Variants in KIAA0319 observed in about 807,000 individuals in gnomAD.
KIAA0319 encodes dyslexia-associated protein KIAA0319.
A neutral mutation model predicts 108.4 loss-of-function variants in KIAA0319; 83 were observed. That is an observed-to-expected ratio of 0.77 (90% CI 0.64 to 0.92). KIAA0319 has a LOEUF of 0.92. KIAA0319 is among the 40% of genes least tolerant of loss of function. KIAA0319 has a pLI of 0.00. For missense variants in KIAA0319, 1,195 were observed against 1,322.4 expected (o/e 0.90, Z 1.49); for synonymous variants, 484 against 510.4 (o/e 0.95, Z 0.70).
chr6:24,558,386 T>C (rs1054438229), intron 17 of KIAA0319, among the ~76,000 whole-genome samples: 1 of 152,096 alleles, frequency 6.6e-6, no homozygotes, highest in African/African-American at 2.4e-5. Flanking sequence ...GATAGATAGA[T>C]AGATAGATAG....
chr6:24,553,444 CA>C (rs1263433962), intron 19 of KIAA0319, among the ~76,000 whole-genome samples: 1 of 151,340 alleles, frequency 6.6e-6, no homozygotes, highest in African/African-American at 2.4e-5. Context: ...CCTCAGAAAA[CA>C]GAATCTCCCT....
In KIAA0319 at chr6:24,576,490, T is replaced by G. The variant is rs145751673; in HGVS notation, c.1612A>C (p.Thr538Pro). The G allele has an allele frequency of 5.0e-6, 8 of 1,614,120 alleles. No homozygotes were observed. The highest frequency in any genetic ancestry group is 2.2e-5 in the East Asian group (1 of 44,884). Reference sequence around the variant, plus strand: ...ATGGAGTTTTGGGGCAAAGTTATGGTGTGATTTGGTCCTGCATTAGCAACT... The same window carrying G: ...ATGGAGTTTTGGGGCAAAGTTATGGGGTGATTTGGTCCTGCATTAGCAACT... Reference protein sequence around the residue: ...PPVANAGPNHTITLPQNSITL... With the variant: ...PPVANAGPNHPITLPQNSITL... The change falls in exon 10 of 21, where the codon ACC becomes CCC. Residue 538 changes from threonine (T) to proline (P), a missense_variant. Physicochemically the swap from Thr to Pro is conservative, Grantham distance 38. Coordinates refer to ENST00000378214, the MANE Select transcript of KIAA0319 (RefSeq NM_014809.4).
intron 1 of KIAA0319, among the ~76,000 whole-genome samples, chr6:24,631,250 C>T (rs946537691): frequency 1.3e-5 from 2 of 152,228 alleles, no homozygotes; most frequent in Admixed American, 6.5e-5. Context: ...CTGTCTTCGC[C>T]AAGGCAGCCT....
chr6:24,602,877 G>A (rs2127538078), intron 1 of KIAA0319, among the ~76,000 whole-genome samples: 1 of 152,296 alleles, frequency 6.6e-6, no homozygotes, highest in African/African-American at 2.4e-5. Context: ...GGTAATATGT[G>A]GAAAACCAAC....
At chr6:24,611,324 C>T (rs1240152329) in intron 1 of KIAA0319, among the ~76,000 whole-genome samples, 1 of 151,788 alleles carries the variant, frequency 6.6e-6, no homozygotes, top group Non-Finnish European at 1.5e-5. Flanking sequence ...CAGGCTGAAA[C>T]CCTGTCTGTA....
At chr6:24,644,610 G>GAA (rs35123690) in intron 1 of KIAA0319, among the ~76,000 whole-genome samples, 67 of 148,190 alleles carry the variant, frequency 4.5e-4, no homozygotes, top group East Asian at 2.2e-3. Flanking sequence ...ATTGGCTAGG[G>GAA]AAAAAAAAAA....
In KIAA0319 at chr6:24,581,033, T is replaced by C; in HGVS notation, c.1192-20A>G. ...GGACAACTGTAACATAAAGAAAAGT[T>C]GTACAGTTCAACATGCAAGACGTGA... On this transcript the variant is annotated intron_variant, in intron 6 of 20. Transcript: ENST00000378214. 4 of 1,522,026 alleles carry C rather than the reference T, an allele frequency of 2.6e-6. No homozygotes were observed. The highest frequency in any genetic ancestry group is 3.6e-6 in the Non-Finnish European group (4 of 1,097,268). The allele number at this position is 1,522,026 out of a possible 1,614,324, so 94.3% of individuals were successfully genotyped here.
intron 19 of KIAA0319, among the ~76,000 whole-genome samples, chr6:24,553,948 T>C (rs1761938478): frequency 6.6e-6 from 1 of 152,228 alleles, no homozygotes; most frequent in South Asian, 2.1e-4. Flanking sequence ...ATGTGTTTCC[T>C]TGAGTTCTTT....
chr6:24,619,761 G>T (rs116623614), intron 1 of KIAA0319, among the ~76,000 whole-genome samples: 1 of 152,186 alleles, frequency 6.6e-6, no homozygotes, highest in Non-Finnish European at 1.5e-5. Context: ...CTAGTCACAT[G>T]CATCTGCAGA....
chr6:24,609,879 C>G (rs371238693), intron 1 of KIAA0319, among the ~76,000 whole-genome samples: 23 of 151,896 alleles, frequency 1.5e-4, no homozygotes, highest in African/African-American at 5.3e-4. Context: ...CAAACAGATA[C>G]CAACATGCAA....
intron 1 of KIAA0319, among the ~76,000 whole-genome samples, chr6:24,622,319 T>TAAAAAAAAA (rs5874995): frequency 1.2e-4 from 14 of 114,390 alleles, no homozygotes; most frequent in South Asian, 2.9e-4. Flanking sequence ...TTTGAGAAAT[T>TAAAAAAAAA]AAAAAAAAAA....
intron 8 of KIAA0319, among the ~76,000 whole-genome samples, chr6:24,579,477 T>C (rs1766108929): frequency 6.9e-6 from 1 of 145,902 alleles, no homozygotes; most frequent in East Asian, 2.0e-4. Context: ...ATATATATCT[T>C]ATATATCTCA....
At position 24,583,626 on chromosome 6, in the gene KIAA0319, A is replaced by G. The variant is rs776982030; in HGVS notation, c.1071T>C (p.Phe357=). Residue 357 remains phenylalanine, a synonymous_variant, in exon 5 of 21, where the codon TTT becomes TTC. Transcript: ENST00000378214. ...LPDNEVELKA[F]VAPAPPVETT... ...CACCTACAGGTGGCGCTGGCGCAAC[A>G]AAGGCCTTCAGTTCAACTTCATTGT... 3 of 1,612,950 alleles carry G rather than the reference A, an allele frequency of 1.9e-6. No homozygotes were observed.
At chr6:24,600,514 G>C in intron 2 of KIAA0319, 1 of 694,984 alleles carries the variant, frequency 1.4e-6, no homozygotes, top group Non-Finnish European at 2.6e-6. Context: ...ATTTTAACAA[G>C]GGTCTCGCTA....
chr6:24,586,260 G>A (rs1767469913), intron 4 of KIAA0319, among the ~76,000 whole-genome samples: 1 of 152,172 alleles, frequency 6.6e-6, no homozygotes, highest in Admixed American at 6.5e-5. Context: ...ACTAGAATAT[G>A]CCATTGCAAC....
chr6:24,595,839 A>T, intron 3 of KIAA0319, 34 bp downstream of exon 3: 1 of 1,555,078 alleles, frequency 6.4e-7, no homozygotes, highest in Non-Finnish European at 8.7e-7. Flanking sequence ...CACTCAGCCC[A>T]TCCCACCCCC....
At chr6:24,551,395 T>C (rs767679949) in intron 20 of KIAA0319, 39 bp downstream of exon 20, 3 of 1,421,468 alleles carry the variant, frequency 2.1e-6, no homozygotes, top group Non-Finnish European at 2.0e-6. Context: ...GGTTAAATCA[T>C]ATAAAGGTGC....
intron 1 of KIAA0319, among the ~76,000 whole-genome samples, chr6:24,613,170 T>TA (rs1283161871): frequency 3.3e-5 from 5 of 152,184 alleles, no homozygotes; most frequent in Admixed American, 3.3e-4. Context: ...GCTGAGAGCT[T>TA]ACATCTACTC....
At chr6:24,639,846 T>TAAAA (rs34542799) in intron 1 of KIAA0319, among the ~76,000 whole-genome samples, 1 of 134,888 alleles carries the variant, frequency 7.4e-6, no homozygotes, top group Non-Finnish European at 1.6e-5. Flanking sequence ...GACTCCATCT[T>TAAAA]AAAAAAAAAA....
Sources: allele counts gnomAD v4.1 joint callset (sites outside exome capture counted in the v4.1 genomes callset), GRCh38; gene constraint gnomAD v4.1.1; transcripts MANE v1.5; gene names NCBI Gene and HGNC (gene_info 2026-07-23, HGNC 2026-07-21).